The following CLASP1 variants were observed in gnomAD, a reference collection of about 807,000 sequenced individuals.
CLASP1 encodes the protein cytoplasmic linker associated protein 1.
Under a neutral mutation model 192.3 loss-of-function variants are expected in CLASP1, and 38 were observed. The observed-to-expected ratio is 0.20, with a 90% CI of 0.15 to 0.26. CLASP1 has a LOEUF of 0.26. CLASP1 is among the 10% of genes least tolerant of loss of function. The pLI, the probability that CLASP1 is intolerant of heterozygous loss-of-function variation, is 1.00. For synonymous variants in CLASP1, 691 were observed against 712.8 expected, an observed-to-expected ratio of 0.97 and a Z score of 0.49; for missense variants, 1,433 against 1,932.5, an observed-to-expected ratio of 0.74 and a Z score of 4.85.
chr2:121,566,588 T>C (rs182001438), intron 2 of CLASP1, among the ~76,000 whole-genome samples: 2 of 152,340 alleles, frequency 1.3e-5, no homozygotes, highest in African/African-American at 4.8e-5. Context: ...CAGTAAGCAT[T>C]GTAGACAAAC....
chr2:121,473,874 A>G (rs918712505), intron 8 of CLASP1, among the ~76,000 whole-genome samples: 1 of 151,998 alleles, frequency 6.6e-6, no homozygotes, highest in East Asian at 1.9e-4. Flanking sequence ...TTAAGAATAA[A>G]GGCAAAATAA....
chr2:121,439,574 C>G (rs1185542386), intron 19 of CLASP1, among the ~76,000 whole-genome samples: 1 of 151,870 alleles, frequency 6.6e-6, no homozygotes, highest in African/African-American at 2.4e-5. Context: ...GCCTTCATTT[C>G]GTTATGTACC....
At chr2:121,358,861 A>G (rs1445434363) in intron 37 of CLASP1, among the ~76,000 whole-genome samples, 6 of 152,250 alleles carry the variant, frequency 3.9e-5, no homozygotes, top group Admixed American at 3.3e-4. Flanking sequence ...TTGTGTGTGT[A>G]GCAAGAAATG....
chr2:121,469,211 C>T lies in CLASP1; in HGVS notation c.865+597G>A, dbSNP rs62151065. Among the ~76,000 whole-genome samples, 960 of 152,228 alleles carry T rather than the reference C, an allele frequency of 6.3e-3. 3 individuals carry two copies. The highest frequency in any genetic ancestry group is 0.02 in the Middle Eastern group (6 of 294). On this transcript the variant is annotated intron_variant, in intron 9 of 39. Coordinates refer to ENST00000263710, the Ensembl canonical transcript of CLASP1. Reference sequence around the variant, plus strand: ...CCTTCCACTCCCACAGAGCTACCTCCCGCTGGCCCAGCTCTACTTCATGCT... The same window carrying T: ...CCTTCCACTCCCACAGAGCTACCTCTCGCTGGCCCAGCTCTACTTCATGCT...
chr2:121,358,149 G>A (rs1488139747), intron 37 of CLASP1, among the ~76,000 whole-genome samples: 2 of 152,158 alleles, frequency 1.3e-5, no homozygotes, highest in African/African-American at 4.8e-5. Context: ...AAGCTAAACA[G>A]GTTTTGGGGT....
chr2:121,602,733 A>G (rs2063935922), intron 2 of CLASP1, among the ~76,000 whole-genome samples: 1 of 152,180 alleles, frequency 6.6e-6, no homozygotes, highest in Admixed American at 6.6e-5. Context: ...AATAAATGTT[A>G]CTGGGAAAAC....
chr2:121,457,899 GA>G (rs928795112), intron 13 of CLASP1, 142 bp from the exon 14 acceptor site: 3 of 586,298 alleles, frequency 5.1e-6, no homozygotes, highest in Non-Finnish European at 9.0e-6. Context: ...AAGAAAAAAA[GA>G]ATTCACAGGA....
intron 6 of CLASP1, among the ~76,000 whole-genome samples, chr2:121,524,461 T>G (rs1226328256): frequency 6.8e-6 from 1 of 146,438 alleles, no homozygotes; most frequent in Middle Eastern, 3.2e-3. Flanking sequence ...ATATTTTCCT[T>G]TTTTTTTTTT....
intron 28 of CLASP1, among the ~76,000 whole-genome samples, chr2:121,398,945 A>G (rs7569666): frequency 0.25 from 38,214 of 152,156 alleles, 7,651 homozygotes; most frequent in African/African-American, 0.55. Context: ...GGGGTCCCAG[A>G]AGCCCCTTCT....
intron 1 of CLASP1, among the ~76,000 whole-genome samples, chr2:121,634,157 C>T (rs536571491): frequency 2.7e-4 from 41 of 152,256 alleles, no homozygotes; most frequent in African/African-American, 9.4e-4. Context: ...TAGTAGCACG[C>T]TTAATACACA....
chr2:121,451,982 C>T lies in CLASP1; in HGVS notation c.1386-133G>A, dbSNP rs990444121. The T allele has an allele frequency of 8.8e-6, 6 of 684,624 alleles. No individual in the cohort carries two copies. The South Asian group carries it at 9.8e-5, about 11-fold the overall frequency. The allele number at this position is 684,624 out of a possible 1,614,324, so 42.4% of individuals were successfully genotyped here. A position where few individuals can be genotyped will look rare whatever the true frequency, so the allele number is the denominator to read the frequency against. The stretch of plus-strand genomic sequence containing the variant: ...CTTCTGATTTTTATGATTAGAAAAA[C>T]AGAACATAAAGAATGAATCAGAACT... On this transcript the variant is annotated intron_variant, in intron 14 of 39. Coordinates refer to ENST00000263710, the Ensembl canonical transcript of CLASP1.
intron 20 of CLASP1, 65 bp downstream of exon 20, chr2:121,430,008 T>C: frequency 8.1e-7 from 1 of 1,236,284 alleles, no homozygotes; most frequent in Non-Finnish European, 1.2e-6. Context: ...TTGTAAAATG[T>C]TCAACTGCAG....
chr2:121,356,806 T>C (rs2065475723), intron 37 of CLASP1, among the ~76,000 whole-genome samples: 1 of 152,142 alleles, frequency 6.6e-6, no homozygotes, highest in African/African-American at 2.4e-5. Context: ...ACAATGGATA[T>C]CTTCAAATGT....
chr2:121,438,462 C>T (rs1425950039), intron 19 of CLASP1, among the ~76,000 whole-genome samples: 2 of 152,084 alleles, frequency 1.3e-5, no homozygotes, highest in Admixed American at 6.5e-5. Context: ...ATATACAGCC[C>T]CCTTGTCAAT....
intron 8 of CLASP1, among the ~76,000 whole-genome samples, chr2:121,500,388 G>C (rs1284592317): frequency 8.9e-6 from 1 of 111,982 alleles, no homozygotes. Context: ...AAGAAAGAAA[G>C]AAAGAAAGAA....
intron 2 of CLASP1, among the ~76,000 whole-genome samples, chr2:121,545,171 C>T (rs1332336340): frequency 1.3e-5 from 2 of 152,112 alleles, no homozygotes; most frequent in Non-Finnish European, 2.9e-5. Flanking sequence ...GCCTCGGCCT[C>T]CCAAAGTGTT....
chr2:121,571,664 A>C (rs1036342058), intron 2 of CLASP1, among the ~76,000 whole-genome samples: 13 of 152,320 alleles, frequency 8.5e-5, no homozygotes, highest in African/African-American at 2.9e-4. Flanking sequence ...CATACCATTT[A>C]AGCTGAGTCT....
intron 5 of CLASP1, 84 bp from the exon 6 acceptor site, chr2:121,526,004 G>A (rs1219293227): frequency 6.5e-6 from 6 of 927,334 alleles, no homozygotes; most frequent in Admixed American, 2.0e-5. Context: ...TGCCCTTCCC[G>A]TGTCTCCCCA....
intron 39 of CLASP1, among the ~76,000 whole-genome samples, chr2:121,342,824 T>G (rs77078431): frequency 0.014 from 2,061 of 152,208 alleles, 43 homozygotes; most frequent in African/African-American, 0.046. Flanking sequence ...TCCCAGCTAC[T>G]TGGGGAGGGG....
Sources: allele counts gnomAD v4.1 joint callset (sites outside exome capture counted in the v4.1 genomes callset), GRCh38; gene constraint gnomAD v4.1.1; transcripts MANE v1.5; gene names NCBI Gene and HGNC (gene_info 2026-07-23, HGNC 2026-07-21).